NALCN: variants seen among roughly 807,000 people sequenced by gnomAD.
NALCN encodes sodium leak channel, non-selective.
A neutral mutation model predicts 225.3 loss-of-function variants in NALCN; 111 were observed. The ratio of observed to expected loss-of-function variants is 0.49; its 90% CI spans 0.42 to 0.58. NALCN has a LOEUF of 0.58. Ranked by LOEUF, NALCN falls within the 20% of genes least tolerant of loss-of-function variation. NALCN has a pLI of 0.00. For missense variants in NALCN, 1,378 were observed against 2,202.4 expected, an observed-to-expected ratio of 0.63 and a Z score of 7.49; for synonymous variants, 764 against 769.0, an observed-to-expected ratio of 0.99 and a Z score of 0.11.
At chr13:101,157,940 A>G (rs964664127) in intron 15 of NALCN, among the ~76,000 whole-genome samples, 2 of 152,022 alleles carry the variant, frequency 1.3e-5, no homozygotes, top group African/African-American at 4.8e-5. Context: ...TTTAGTAGAG[A>G]CAGGGTTTCA....
intron 13 of NALCN, among the ~76,000 whole-genome samples, chr13:101,199,450 A>C (rs1055985902): frequency 5.3e-5 from 8 of 151,650 alleles, no homozygotes; most frequent in African/African-American, 1.7e-4. Flanking sequence ...ACATATACAC[A>C]ATGGAATACT....
chr13:101,410,874 C>T (rs948018354), intron 1 of NALCN, among the ~76,000 whole-genome samples: 1 of 152,194 alleles, frequency 6.6e-6, no homozygotes, highest in Non-Finnish European at 1.5e-5. Flanking sequence ...CTAGGACTCC[C>T]TTTCATTCTC....
At position 101,403,950 on chromosome 13, in the gene NALCN, C is replaced by T. The variant is rs143522806; in HGVS notation, c.-39-4785G>A. Among the ~76,000 whole-genome samples, 413 of 152,346 alleles carry T rather than the reference C, an allele frequency of 2.7e-3. 2 individuals are homozygous for T. The highest frequency in any genetic ancestry group is 9.3e-3 in the African/African-American group (385 of 41,584). ...TTGGGAAACCAACCAGCATTGCTAGCAGAAGTTTCTCATTCATTCATGTTT... is the reference window on the plus strand; with the variant it reads ...TTGGGAAACCAACCAGCATTGCTAGTAGAAGTTTCTCATTCATTCATGTTT... On this transcript the variant is annotated intron_variant, in intron 1 of 43. Coordinates refer to ENST00000251127, the MANE Select transcript of NALCN (RefSeq NM_052867.4).
chr13:101,344,969 T>C (rs1220552593), intron 7 of NALCN, among the ~76,000 whole-genome samples: 3 of 152,176 alleles, frequency 2.0e-5, no homozygotes, highest in Non-Finnish European at 4.4e-5. Flanking sequence ...CCCAGAACCC[T>C]GTTCAACAAA....
At chr13:101,245,838 G>C (rs1244456749) in intron 11 of NALCN, among the ~76,000 whole-genome samples, 1 of 152,168 alleles carries the variant, frequency 6.6e-6, no homozygotes, top group Non-Finnish European at 1.5e-5. Context: ...ATAATTGAAA[G>C]TACCTCTGAT....
intron 7 of NALCN, among the ~76,000 whole-genome samples, chr13:101,338,375 C>T (rs1426294546): frequency 6.6e-6 from 1 of 152,006 alleles, no homozygotes; most frequent in Non-Finnish European, 1.5e-5. Flanking sequence ...TCTGATGATT[C>T]TAAAGACTAA....
intron 13 of NALCN, among the ~76,000 whole-genome samples, chr13:101,195,622 T>C (rs1282590564): frequency 6.6e-6 from 1 of 152,248 alleles, no homozygotes; most frequent in African/African-American, 2.4e-5. Flanking sequence ...TCACTTCTGA[T>C]GGCGTTATGC....
At chr13:101,260,846 T>C (rs552145817) in intron 10 of NALCN, among the ~76,000 whole-genome samples, 2 of 152,338 alleles carry the variant, frequency 1.3e-5, no homozygotes, top group South Asian at 2.1e-4. Flanking sequence ...GTTAATTGTA[T>C]CTTTTGCTGT....
intron 13 of NALCN, among the ~76,000 whole-genome samples, chr13:101,205,809 G>T (rs2040291212): frequency 6.6e-6 from 1 of 151,974 alleles, no homozygotes; most frequent in African/African-American, 2.4e-5. Context: ...TTTCATTTCA[G>T]TGCAATGATA....
chr13:101,273,586 C>A lies in NALCN; in HGVS notation c.1134+10347G>T, dbSNP rs1461798666. Among the ~76,000 whole-genome samples the A allele has an allele frequency of 3.9e-5, 6 of 151,966 alleles. 1 individual carries two copies. Among genetic ancestry groups the A allele is most frequent in the Non-Finnish European group, 8.8e-5 (6 of 68,004 alleles). On this transcript the variant is annotated intron_variant, in intron 10 of 43. Coordinates refer to ENST00000251127, the MANE Select transcript of NALCN (RefSeq NM_052867.4). ...TTTTTATTTAGAAAGAAACAATATA[C>A]CCTTTAGAAACACTCAGAATTCCTG...
At chr13:101,329,707 G>T (rs1370221235) in intron 7 of NALCN, among the ~76,000 whole-genome samples, 1 of 152,004 alleles carries the variant, frequency 6.6e-6, no homozygotes, top group Non-Finnish European at 1.5e-5. Context: ...TCATATCAAA[G>T]AAAGGAAAAT....
chr13:101,372,675 A>AGCTAAAACAGTGCTTAGAG (rs2046573578), intron 6 of NALCN, among the ~76,000 whole-genome samples: 1 of 152,276 alleles, frequency 6.6e-6, no homozygotes, highest in South Asian at 2.1e-4. Context: ...TTGGAAATGC[A>AGCTAAAACAGTGCTTAGAG]GCTAAAACAG....
intron 11 of NALCN, among the ~76,000 whole-genome samples, chr13:101,255,085 T>C (rs930343792): frequency 2.0e-5 from 3 of 152,072 alleles, no homozygotes; most frequent in East Asian, 3.9e-4. Context: ...CAACAATTAT[T>C]GGACACATAA....
intron 7 of NALCN, among the ~76,000 whole-genome samples, chr13:101,300,363 TTTCTTTCC>T (rs1309466688): frequency 0.14 from 2,808 of 19,814 alleles, 35 homozygotes; most frequent in Non-Finnish European, 0.28. Flanking sequence ...TCTTTCTTTC[TTTCTTTCC>T]TTCCTTCCTT....
intron 17 of NALCN, 145 bp from the exon 18 acceptor site, chr13:101,124,826 AT>A: frequency 2.5e-6 from 2 of 800,898 alleles, no homozygotes; most frequent in Non-Finnish European, 3.9e-6. Flanking sequence ...ATTCTTGTCT[AT>A]TTTTACTTTT....
chr13:101,142,498 T>G (rs1466778166), intron 17 of NALCN, among the ~76,000 whole-genome samples: 1 of 152,170 alleles, frequency 6.6e-6, no homozygotes, highest in Non-Finnish European at 1.5e-5. Context: ...TTTAAAATTA[T>G]TACCTAAATT....
intron 11 of NALCN, among the ~76,000 whole-genome samples, chr13:101,253,029 T>C (rs954525337): frequency 2.7e-5 from 4 of 149,386 alleles, no homozygotes; most frequent in Non-Finnish European, 4.5e-5. Flanking sequence ...GAAAATAATA[T>C]ATATTTTAAA....
chr13:101,411,219 T>C (rs1287406573), intron 1 of NALCN, among the ~76,000 whole-genome samples: 1 of 151,858 alleles, frequency 6.6e-6, no homozygotes, highest in Admixed American at 6.6e-5. Context: ...TTTTTTTCCT[T>C]TTTTTTTGTA....
intron 11 of NALCN, among the ~76,000 whole-genome samples, chr13:101,256,868 A>G (rs1305709110): frequency 6.7e-6 from 1 of 149,324 alleles, no homozygotes; most frequent in East Asian, 2.0e-4. Context: ...GGTTCAAGTG[A>G]TTCTCCTGCC....
Sources: gnomAD v4.1 joint callset for allele counts (sites outside exome capture counted in the v4.1 genomes callset) on GRCh38, gnomAD v4.1.1 for gene constraint, MANE v1.5 for transcripts, NCBI Gene and HGNC (gene_info 2026-07-23, HGNC 2026-07-21) for gene names.